Variants in TSPEAR observed in about 807,000 individuals in gnomAD.
TSPEAR encodes thrombospondin type laminin G domain and EAR repeats, also known as thrombospondin-type laminin G domain and EAR repeat-containing protein.
TSPEAR carries 69 observed loss-of-function variants against 71.6 expected under a neutral mutation model. That is an observed-to-expected ratio of 0.96 (90% CI 0.79 to 1.18). The LOEUF is 1.18. Ranked by LOEUF, TSPEAR falls within the 50% of genes most tolerant of loss-of-function variation. The pLI is 0.00. For synonymous variants in TSPEAR, 402 were observed against 387.2 expected, an observed-to-expected ratio of 1.04 and a Z score of -0.45; for missense variants, 971 against 894.9, an observed-to-expected ratio of 1.09 and a Z score of -1.09.
At chr21:44,627,309 C>A (rs1555934590) in intron 1 of TSPEAR, 2 of 1,612,720 alleles carry the variant, frequency 1.2e-6, no homozygotes, top group African/African-American at 2.7e-5. Context: ...TGACCCTGGT[C>A]TGCACCCCAG....
intron 1 of TSPEAR, chr21:44,637,367 ACACT>A (rs782029850): frequency 1.7e-5 from 26 of 1,573,258 alleles, no homozygotes; most frequent in Admixed American, 6.9e-5. Context: ...ACTCACTCAC[ACACT>A]CACTCACTCA....
intron 1 of TSPEAR, among the ~76,000 whole-genome samples, chr21:44,619,804 T>C (rs1219932131): frequency 6.6e-6 from 1 of 152,202 alleles, no homozygotes; most frequent in Non-Finnish European, 1.5e-5. Flanking sequence ...ATTGAAGTAT[T>C]CTTGTCTGAG....
chr21:44,509,574 GGAGAGCGGGCGCAGAGGTGTGA>G (rs1555912387), intron 9 of TSPEAR, among the ~76,000 whole-genome samples, 188 bp from the exon 10 acceptor site: 1 of 151,130 alleles, frequency 6.6e-6, no homozygotes, highest in African/African-American at 2.4e-5. Context: ...CAGAGGTGTG[GGAGAGCGGGCGCAGAGGTGTGA>G]GTGAGCAGCA....
chr21:44,550,760 G>A (rs782497360), intron 2 of TSPEAR: 8 of 1,614,114 alleles, frequency 5.0e-6, no homozygotes, highest in African/African-American at 4.0e-5. Context: ...GGCGGCAGAG[G>A]AGGGACACAG....
intron 1 of TSPEAR, among the ~76,000 whole-genome samples, chr21:44,660,922 G>T (rs781903096): frequency 1.3e-5 from 2 of 152,028 alleles, no homozygotes; most frequent in Non-Finnish European, 2.9e-5. Context: ...AGCCAAGATC[G>T]CACCACTGCA....
intron 1 of TSPEAR, among the ~76,000 whole-genome samples, chr21:44,680,187 C>G (rs1035120725): frequency 3.3e-5 from 5 of 151,990 alleles, no homozygotes; most frequent in African/African-American, 1.2e-4. Flanking sequence ...AACAACTCAA[C>G]AACAACAACA....
intron 1 of TSPEAR, among the ~76,000 whole-genome samples, chr21:44,602,374 A>G (rs1171473239): frequency 9.2e-5 from 14 of 152,312 alleles, no homozygotes; most frequent in African/African-American, 2.6e-4. Flanking sequence ...ATCCAACAGC[A>G]GCGCCTGCCC....
chr21:44,627,114 C>T, intron 1 of TSPEAR: 1 of 1,581,044 alleles, frequency 6.3e-7, no homozygotes. Flanking sequence ...AACTCACTCA[C>T]TGACACACTC....
intron 1 of TSPEAR, among the ~76,000 whole-genome samples, chr21:44,705,506 T>A (rs1329653616): frequency 6.6e-6 from 1 of 152,252 alleles, no homozygotes; most frequent in African/African-American, 2.4e-5. Flanking sequence ...GCTGAATTCT[T>A]TTTCTCAGCA....
intron 1 of TSPEAR, among the ~76,000 whole-genome samples, chr21:44,614,926 C>A (rs1981974043): frequency 6.6e-6 from 1 of 152,186 alleles, no homozygotes. Context: ...GACATCGGCA[C>A]CCCTGGAAGG....
chr21:44,624,968 C>T (rs1982674105), intron 1 of TSPEAR, among the ~76,000 whole-genome samples: 2 of 152,186 alleles, frequency 1.3e-5, no homozygotes, highest in Admixed American at 6.5e-5. Flanking sequence ...TAACTTTTCT[C>T]AGCTAGATGG....
At chr21:44,574,077 C>T in intron 1 of TSPEAR, 1 of 1,612,884 alleles carries the variant, frequency 6.2e-7, no homozygotes, top group South Asian at 1.1e-5. Context: ...CCCCTGCCAG[C>T]AGGCCTGCTG....
At chr21:44,551,551 C>A in intron 2 of TSPEAR, 2 of 1,441,614 alleles carry the variant, frequency 1.4e-6, no homozygotes, top group Non-Finnish European at 1.8e-6. Flanking sequence ...AGCCTGTTGG[C>A]TGCTGGGGCT....
At chr21:44,696,071 A>G (rs1555950437) in intron 1 of TSPEAR, among the ~76,000 whole-genome samples, 2 of 152,204 alleles carry the variant, frequency 1.3e-5, no homozygotes. Flanking sequence ...ACCTCCTAGA[A>G]CAACCCCTCT....
chr21:44,628,019 G>A lies in TSPEAR; in HGVS notation c.83-60014C>T, dbSNP rs1555934950. Reference sequence around the variant, plus strand: ...GTGTGCTCCCGCCCGGCCTGCTACAGCTTCTCCTCAGGCCAGAAGTCCAGC... The same window carrying A: ...GTGTGCTCCCGCCCGGCCTGCTACAACTTCTCCTCAGGCCAGAAGTCCAGC... On this transcript the variant is annotated intron_variant, in intron 1 of 11. Coordinates refer to ENST00000323084, the MANE Select transcript of TSPEAR (RefSeq NM_144991.3). The A allele has an allele frequency of 1.9e-6, 3 of 1,612,916 alleles. No individual in the cohort carries two copies. In the Admixed American group the frequency reaches 5.0e-5, roughly 27 times the overall value.
chr21:44,501,178 G>A (rs1026003245), intron 11 of TSPEAR, among the ~76,000 whole-genome samples: 1 of 152,240 alleles, frequency 6.6e-6, no homozygotes, highest in Non-Finnish European at 1.5e-5. Context: ...GGCCGGGCGG[G>A]GTGGCTTACG....
At chr21:44,505,891 A>G (rs2052187224) in intron 10 of TSPEAR, among the ~76,000 whole-genome samples, 2 of 152,172 alleles carry the variant, frequency 1.3e-5, no homozygotes, top group African/African-American at 4.8e-5. Context: ...GTCCACTTTT[A>G]AGAGGTTGAA....
intron 1 of TSPEAR, chr21:44,575,198 G>A (rs1555923782): frequency 4.2e-6 from 3 of 712,912 alleles, no homozygotes; most frequent in Non-Finnish European, 7.0e-6. Context: ...GGGGAGGGGG[G>A]CGCTTCTAGA....
chr21:44,568,827 G>A (rs456780), intron 1 of TSPEAR, among the ~76,000 whole-genome samples: 142,131 of 152,188 alleles, frequency 0.93, 66,495 homozygotes, highest in Non-Finnish European at 0.96. Flanking sequence ...GTCTCCCTCC[G>A]TCTGGCAGTC....
Sources: allele counts gnomAD v4.1 joint callset (sites outside exome capture counted in the v4.1 genomes callset), GRCh38; gene constraint gnomAD v4.1.1; transcripts MANE v1.5; gene names NCBI Gene and HGNC (gene_info 2026-07-23, HGNC 2026-07-21).